RNF220: variants seen among roughly 807,000 people sequenced by gnomAD.
The protein encoded by RNF220 is ring finger protein 220, also known as E3 ubiquitin-protein ligase RNF220.
A neutral mutation model predicts 67.1 loss-of-function variants in RNF220; 7 were observed. The observed-to-expected ratio is 0.10, with a 90% CI of 0.06 to 0.20. RNF220 has a LOEUF of 0.20. RNF220 is among the 10% of genes least tolerant of loss of function. The probability of loss-of-function intolerance (pLI) is 1.00; values close to 1 mark genes in which losing one functional copy is unlikely to be tolerated. For missense variants in RNF220, 565 were observed against 740.3 expected, an observed-to-expected ratio of 0.76 and a Z score of 2.75; for synonymous variants, 270 against 283.2, an observed-to-expected ratio of 0.95 and a Z score of 0.47.
intron 2 of RNF220, among the ~76,000 whole-genome samples, chr1:44,483,179 A>C (rs1395491487): frequency 3.3e-5 from 5 of 151,998 alleles, no homozygotes; most frequent in Non-Finnish European, 5.9e-5. Flanking sequence ...CATCCTCCCG[A>C]CTTAGCCTCC....
Position 44,574,013 on chromosome 1 carries a change from G to C in RNF220, c.626-40152G>C, listed in dbSNP as rs189799028. ...CACACCTGTAGTCTCAGCTACTCAGGAGGCTGAGGTGGGAGCATCACCTGA... is the reference window on the plus strand; with the variant it reads ...CACACCTGTAGTCTCAGCTACTCAGCAGGCTGAGGTGGGAGCATCACCTGA... On this transcript the variant is annotated intron_variant, in intron 2 of 14. Transcript: ENST00000361799. 5.3e-5 allele frequency among the ~76,000 whole-genome samples: 8 copies of C among 152,290 alleles called. No individual in the cohort carries two copies. The East Asian group carries it at 1.5e-3, about 29-fold the overall frequency.
chr1:44,590,124 G>A (rs752409616), intron 2 of RNF220, among the ~76,000 whole-genome samples: 12 of 152,172 alleles, frequency 7.9e-5, no homozygotes, highest in Non-Finnish European at 1.8e-4. Context: ...CAGAGCATGC[G>A]TTTTCTGTGA....
At chr1:44,580,700 G>A (rs973337887) in intron 2 of RNF220, among the ~76,000 whole-genome samples, 1 of 152,204 alleles carries the variant, frequency 6.6e-6, no homozygotes, top group Non-Finnish European at 1.5e-5. Context: ...AAGACCCTTT[G>A]AGGCTTTATA....
chr1:44,468,760 CA>C (rs573322953), intron 2 of RNF220, among the ~76,000 whole-genome samples: 4 of 151,706 alleles, frequency 2.6e-5, no homozygotes, highest in African/African-American at 7.3e-5. Context: ...CAAAAAAATA[CA>C]AAAAAATTAG....
At chr1:44,500,818 C>T (rs544813604) in intron 2 of RNF220, among the ~76,000 whole-genome samples, 4 of 152,280 alleles carry the variant, frequency 2.6e-5, no homozygotes, top group Non-Finnish European at 5.9e-5. Flanking sequence ...GGAGGAGCTC[C>T]ATCTGGTGTC....
rs547186976 is a variant in RNF220 at position 44,479,487 on chromosome 1, A to G, written c.625+66765A>G. On this transcript the variant is annotated intron_variant, in intron 2 of 14. Coordinates refer to ENST00000361799, the MANE Select transcript of RNF220 (RefSeq NM_018150.4). Reference sequence around the variant, plus strand: ...CACAAGCCACACCCACAATTTTTACAAGACAGAATCTACCGAGACTTAAGT... The same window carrying G: ...CACAAGCCACACCCACAATTTTTACGAGACAGAATCTACCGAGACTTAAGT... Among the ~76,000 whole-genome samples the G allele has an allele frequency of 7.2e-5, 11 of 152,174 alleles. No homozygotes were observed. In the East Asian group the frequency reaches 1.9e-3, roughly 27 times the overall value.
In RNF220 at chr1:44,544,391, C is replaced by T. The variant is rs568703959; in HGVS notation, c.626-69774C>T. Among the ~76,000 whole-genome samples, 54 of 152,348 alleles carry T rather than the reference C, an allele frequency of 3.5e-4. 1 individual carries two copies. The highest frequency in any genetic ancestry group is 3.1e-3 in the South Asian group (15 of 4,830). On this transcript the variant is annotated intron_variant, in intron 2 of 14. Coordinates refer to ENST00000361799, the MANE Select transcript of RNF220 (RefSeq NM_018150.4). ...GTGATCTTGGCATGCTATTTAACCT[C>T]TCTGAGCCTCAGTTTCCTTATAGGT...
At chr1:44,610,767 A>G (rs1383959938) in intron 2 of RNF220, among the ~76,000 whole-genome samples, 1 of 152,162 alleles carries the variant, frequency 6.6e-6, no homozygotes, top group Non-Finnish European at 1.5e-5. Context: ...CCAGCCTGAA[A>G]TGGACTTCCA....
chr1:44,616,662 C>T (rs1412504439), intron 3 of RNF220, among the ~76,000 whole-genome samples: 1 of 152,040 alleles, frequency 6.6e-6, no homozygotes, highest in Non-Finnish European at 1.5e-5. Context: ...AATCCTTCTG[C>T]AGCTGGGTTC....
intron 2 of RNF220, among the ~76,000 whole-genome samples, chr1:44,566,252 G>C (rs935153772): frequency 2.0e-5 from 3 of 152,206 alleles, no homozygotes; most frequent in Admixed American, 2.0e-4. Flanking sequence ...TTTCAGAGAG[G>C]GTCCCTCTGG....
intron 2 of RNF220, among the ~76,000 whole-genome samples, chr1:44,490,534 C>A (rs1656765409): frequency 6.6e-6 from 1 of 150,390 alleles, no homozygotes; most frequent in Admixed American, 6.6e-5. Flanking sequence ...GAAATTGGTA[C>A]CTTTAAATAG....
chr1:44,418,973 ATAAATACT>A (rs781756064), intron 2 of RNF220, among the ~76,000 whole-genome samples: 52 of 152,310 alleles, frequency 3.4e-4, no homozygotes, highest in Non-Finnish European at 2.9e-4. Context: ...CGTGCTCTTT[ATAAATACT>A]TGAGATTTGG....
intron 2 of RNF220, among the ~76,000 whole-genome samples, chr1:44,484,269 G>A (rs1015970872): frequency 1.3e-5 from 2 of 152,088 alleles, no homozygotes; most frequent in African/African-American, 2.4e-5. Context: ...AGAGCATGAA[G>A]GGTCAAGTAG....
chr1:44,551,833 A>G (rs1302411233), intron 2 of RNF220, among the ~76,000 whole-genome samples: 1 of 152,164 alleles, frequency 6.6e-6, no homozygotes, highest in African/African-American at 2.4e-5. Context: ...CTGCTCCCCA[A>G]CTTGCCTGCT....
In RNF220 at chr1:44,449,490, C is replaced by T. The variant is rs558057869; in HGVS notation, c.625+36768C>T. ...GTGTGGTGGTGCTATCACTGCTTAC[C>T]GCAGCCTCAAACTCCTGGGCTCTGG... On this transcript the variant is annotated intron_variant, in intron 2 of 14. Coordinates refer to ENST00000361799, the MANE Select transcript of RNF220 (RefSeq NM_018150.4). Among the ~76,000 whole-genome samples the T allele has an allele frequency of 5.3e-5, 8 of 152,078 alleles. No homozygotes were observed. In the East Asian group the frequency reaches 7.7e-4, roughly 15 times the overall value.
chr1:44,523,868 C>A (rs1660140281), intron 2 of RNF220, among the ~76,000 whole-genome samples: 1 of 152,206 alleles, frequency 6.6e-6, no homozygotes. Flanking sequence ...CAGGTGCAGA[C>A]AAACCTGCTC....
intron 2 of RNF220, among the ~76,000 whole-genome samples, chr1:44,554,587 C>T (rs1572865850): frequency 6.6e-6 from 1 of 152,130 alleles, no homozygotes. Flanking sequence ...TGATCTGGGA[C>T]TTGGAATCAG....
intron 2 of RNF220, among the ~76,000 whole-genome samples, chr1:44,498,153 A>G (rs1032276339): frequency 2.6e-5 from 4 of 152,122 alleles, no homozygotes; most frequent in Admixed American, 2.6e-4. Context: ...GAAGGTCCCT[A>G]TTTCTTTCAT....
At chr1:44,588,555 A>G (rs1167023772) in intron 2 of RNF220, among the ~76,000 whole-genome samples, 1 of 152,220 alleles carries the variant, frequency 6.6e-6, no homozygotes, top group Non-Finnish European at 1.5e-5. Context: ...AAACCTTTTT[A>G]TGACTCCAAC....
Sources: allele counts gnomAD v4.1 joint callset (sites outside exome capture counted in the v4.1 genomes callset), GRCh38; gene constraint gnomAD v4.1.1; transcripts MANE v1.5; gene names NCBI Gene and HGNC (gene_info 2026-07-23, HGNC 2026-07-21).